FOXQ1: variants seen among roughly 807,000 people sequenced by gnomAD.
FOXQ1 encodes forkhead box Q1.
Under a neutral mutation model 0.6 loss-of-function variants are expected in FOXQ1, and 1 was observed. The ratio of observed to expected loss-of-function variants is 1.73; its 90% CI spans 0.61 to 8.20. The LOEUF is 8.20. FOXQ1 is among the 30% of genes most tolerant of loss of function. The pLI is 0.13. For synonymous variants in FOXQ1, 377 were observed against 294.4 expected, an observed-to-expected ratio of 1.28 and a Z score of -2.87; for missense variants, 734 against 595.6, an observed-to-expected ratio of 1.23 and a Z score of -2.42.
Position 1,312,681 on chromosome 6 carries a change from C to A in FOXQ1, c.-24C>A. 7.6e-7 allele frequency: 1 copy of A among 1,307,934 alleles called. No homozygotes were observed. The highest frequency in any genetic ancestry group is 2.0e-4 in the Middle Eastern group (1 of 4,972). 81.0% of individuals were successfully genotyped at this position (1,307,934 alleles called of 1,614,324 possible). A position where few individuals can be genotyped will look rare whatever the true frequency, so the allele number is the denominator to read the frequency against. Reference sequence around the variant, plus strand: ...TGCGCGAAGGAAGAGGGTACGACGCCGGGGAGGGACTGGGTGCGCGGGCAT... The same window carrying A: ...TGCGCGAAGGAAGAGGGTACGACGCAGGGGAGGGACTGGGTGCGCGGGCAT... On this transcript the variant is annotated 5_prime_UTR_variant, in exon 1 of 1. Coordinates refer to ENST00000296839, the MANE Select transcript of FOXQ1 (RefSeq NM_033260.4).
chr6:1,314,329 T>C lies in FOXQ1; in HGVS notation c.*413T>C, dbSNP rs1757607909. On this transcript the variant is annotated 3_prime_UTR_variant, in exon 1 of 1. Coordinates refer to ENST00000296839, the MANE Select transcript of FOXQ1 (RefSeq NM_033260.4). ...TAAATGATATGACTACTGTTTGGGG[T>C]TTCTGGGCCCCCATCCGTGTACGTA... is the stretch of plus-strand genomic sequence containing the variant. 1 of 167,490 alleles carries C rather than the reference T, an allele frequency of 6.0e-6. No individual in the cohort carries two copies. Among genetic ancestry groups the C allele is most frequent in the African/African-American group, 2.4e-5 (1 of 41,582 alleles). 10.4% of individuals were successfully genotyped at this position (167,490 alleles called of 1,614,324 possible). A position where few individuals can be genotyped will look rare whatever the true frequency, so the allele number is the denominator to read the frequency against.
In FOXQ1 at chr6:1,312,941, G is replaced by A. The variant is rs1406267278; in HGVS notation, c.237G>A (p.Pro79=). Residue 79 remains proline (P), a synonymous_variant, in exon 1 of 1, where the codon CCG becomes CCA. Transcript: ENST00000296839. Reference sequence around the variant, plus strand: ...GGCCGGGCGCGGAGGAGGCGATCCCGGCAGCAGCTGCTGCAGCGGTGGTGG... The same window carrying A: ...GGCCGGGCGCGGAGGAGGCGATCCCAGCAGCAGCTGCTGCAGCGGTGGTGG... ...GGGPGAEEAI[P]AAAAAAVVAE... The A allele has an allele frequency of 1.0e-5, 13 of 1,278,166 alleles. No homozygotes were observed. Among genetic ancestry groups the A allele is most frequent in the Non-Finnish European group, 1.3e-5 (13 of 1,015,708 alleles). The allele number at this position is 1,278,166 out of a possible 1,614,324, so 79.2% of individuals were successfully genotyped here.
At position 1,313,613 on chromosome 6, in the gene FOXQ1, G is replaced by A. The variant is rs1757589393; in HGVS notation, c.909G>A (p.Pro303=). 11 of 1,112,382 alleles carry A rather than the reference G, an allele frequency of 9.9e-6. No homozygotes were observed. Among genetic ancestry groups the A allele is most frequent in the Non-Finnish European group, 1.1e-5 (10 of 908,152 alleles). 68.9% of individuals were successfully genotyped at this position (1,112,382 alleles called of 1,614,324 possible). Residue 303 remains proline (P), a synonymous_variant, in exon 1 of 1, where the codon CCG becomes CCA. Transcript: ENST00000296839. This position sits in a 1 kb window ranked among gnomAD's most constrained non-coding sequence, Gnocchi z 5.2. ...TTLQWGAAPC[P]PLPAFPALLP... ...TTCAGTGGGGCGCCGCGCCCTGCCC[G>A]CCGCTGCCCGCGTTCCCCGCGCTCC...
At position 1,312,138 on chromosome 6, in the gene FOXQ1, G is replaced by A. The variant is rs900560515; in HGVS notation, c.-567G>A. ...CAGGCCAGCGGGGAGATGCTGCCCCGGAGGCTGGGAGCGGGAAGGCGGCTG... is the reference window on the plus strand; with the variant it reads ...CAGGCCAGCGGGGAGATGCTGCCCCAGAGGCTGGGAGCGGGAAGGCGGCTG... On this transcript the variant is annotated 5_prime_UTR_variant, in exon 1 of 1. Coordinates refer to ENST00000296839, the MANE Select transcript of FOXQ1 (RefSeq NM_033260.4). Among the ~76,000 whole-genome samples, 1 of 152,214 alleles carries A rather than the reference G, an allele frequency of 6.6e-6. No homozygotes were observed. The highest frequency in any genetic ancestry group is 1.5e-5 in the Non-Finnish European group (1 of 68,030).
At position 1,312,717 on chromosome 6, in the gene FOXQ1, G is replaced by T; in HGVS notation, c.13G>T (p.Val5Leu). MKLE[V>L]FVPRAAHGDK... is the part of the protein sequence containing the mutation. ...TGGGTGCGCGGGCATGAAGTTGGAG[G>T]TGTTCGTCCCTCGCGCGGCCCACGG... Residue 5 changes from valine to leucine, a missense_variant, in exon 1 of 1, where the codon GTG (valine) becomes TTG (leucine). Coordinates refer to ENST00000296839, the MANE Select transcript of FOXQ1 (RefSeq NM_033260.4). 1 of 1,359,242 alleles carries T rather than the reference G, an allele frequency of 7.4e-7. No individual in the cohort carries two copies. Among genetic ancestry groups the T allele is most frequent in the Admixed American group, 3.5e-5 (1 of 28,298 alleles). 84.2% of individuals were successfully genotyped at this position (1,359,242 alleles called of 1,614,324 possible).
chr6:1,313,461 T>TCGCC lies in FOXQ1; in HGVS notation c.766_769dup (p.Gln257ProfsTer193). On this transcript the variant is annotated frameshift_variant, in exon 1 of 1. Coordinates refer to ENST00000296839, the MANE Select transcript of FOXQ1 (RefSeq NM_033260.4). LOFTEE classifies it low-confidence loss of function (END_TRUNC). The surrounding 1 kb of genome is among the most constrained non-coding windows in gnomAD (Gnocchi z 5.2). ...CGCCCCGGCCTCGCCCCGCATGCGC[T>TCGCC]CGCCCGCCCGCCAGGAGGAGCGCGC... The TCGCC allele has an allele frequency of 1.9e-6, 2 of 1,063,070 alleles. No homozygotes were observed. Among genetic ancestry groups the TCGCC allele is most frequent in the Non-Finnish European group, 2.3e-6 (2 of 881,134 alleles). The allele number at this position is 1,063,070 out of a possible 1,614,324, so 65.9% of individuals were successfully genotyped here.
rs1186510314 is a variant in FOXQ1 at position 1,313,361 on chromosome 6, C to T, written c.657C>T (p.Arg219=). 2 of 1,527,806 alleles carry T rather than the reference C, an allele frequency of 1.3e-6. No homozygotes were observed. The highest frequency in any genetic ancestry group is 1.8e-4 in the Middle Eastern group (1 of 5,642). The allele number at this position is 1,527,806 out of a possible 1,614,324, so 94.6% of individuals were successfully genotyped here. ...FRRRRKRLSH[R]APVPAPGLRP... ...GCCGCCGCAAGCGCCTCAGCCACCG[C>T]GCGCCGGTCCCCGCGCCCGGGCTGC... is the stretch of plus-strand genomic sequence containing the variant. Residue 219 remains arginine (R), a synonymous_variant, in exon 1 of 1, where the codon CGC becomes CGT. Transcript: ENST00000296839. The surrounding 1 kb of genome is among the most constrained non-coding windows in gnomAD (Gnocchi z 5.2).
In FOXQ1 at chr6:1,313,904, G is replaced by C; in HGVS notation, c.1200G>C (p.Thr400=). Residue 400 remains threonine, a synonymous_variant, in exon 1 of 1, where the codon ACG becomes ACC. Coordinates refer to ENST00000296839, the MANE Select transcript of FOXQ1 (RefSeq NM_033260.4). This position sits in a 1 kb window ranked among gnomAD's most constrained non-coding sequence, Gnocchi z 5.2. ...PGPHLPYPVE[T]LLA ...CGCACCTGCCGTACCCGGTGGAGAC[G>C]CTCCTAGCCTGAGTAGCGCCGCGGG... 7.9e-7 allele frequency: 1 copy of C among 1,269,010 alleles called. No individual in the cohort carries two copies. Among genetic ancestry groups the C allele is most frequent in the Non-Finnish European group, 9.9e-7 (1 of 1,012,618 alleles). The allele number at this position is 1,269,010 out of a possible 1,614,324, so 78.6% of individuals were successfully genotyped here. A position where few individuals can be genotyped will look rare whatever the true frequency, so the allele number is the denominator to read the frequency against.
Position 1,313,667 on chromosome 6 carries a change from G to A in FOXQ1, c.963G>A (p.Leu321=). 1.9e-6 allele frequency: 2 copies of A among 1,035,516 alleles called. No individual in the cohort carries two copies. Among genetic ancestry groups the A allele is most frequent in the South Asian group, 4.4e-5 (1 of 22,934 alleles). The allele number at this position is 1,035,516 out of a possible 1,614,324, so 64.1% of individuals were successfully genotyped here. A position where few individuals can be genotyped will look rare whatever the true frequency, so the allele number is the denominator to read the frequency against. Residue 321 remains leucine, a synonymous_variant, in exon 1 of 1, where the codon CTG becomes CTA. Coordinates refer to ENST00000296839, the MANE Select transcript of FOXQ1 (RefSeq NM_033260.4). The surrounding 1 kb of genome is among the most constrained non-coding windows in gnomAD (Gnocchi z 5.2). ...CCGCGGCGCCCTGCAGGGCCCTGCT[G>A]CCGCTCTGCGCGTACGGCGCGGGCG... is the stretch of plus-strand genomic sequence containing the variant. ...LLPAAPCRAL[L]PLCAYGAGEP...
At position 1,312,112 on chromosome 6, in the gene FOXQ1, G is replaced by T. The variant is rs573371650; in HGVS notation, c.-593G>T. 1.1e-4 allele frequency among the ~76,000 whole-genome samples: 16 copies of T among 152,220 alleles called. 1 individual carries two copies. Among genetic ancestry groups the T allele is most frequent in the Non-Finnish European group, 2.2e-4 (15 of 68,032 alleles). Reference sequence around the variant, plus strand: ...AAGGTGGAGGCGAGACGCAGCCGCGGCAGGCCAGCGGGGAGATGCTGCCCC... The same window carrying T: ...AAGGTGGAGGCGAGACGCAGCCGCGTCAGGCCAGCGGGGAGATGCTGCCCC... On this transcript the variant is annotated 5_prime_UTR_variant, in exon 1 of 1. Transcript: ENST00000296839.
rs4435985 is a variant in FOXQ1 at position 1,313,235 on chromosome 6, C to T, written c.531C>T (p.Phe177=). The T allele has an allele frequency of 0.2, 329,401 of 1,609,356 alleles. 34,644 individuals are homozygous for T. The highest frequency in any genetic ancestry group is 0.3 in the East Asian group (13,136 of 44,420). The change falls in exon 1 of 1, where the codon TTC becomes TTT. Residue 177 remains phenylalanine (F), a synonymous_variant. Coordinates refer to ENST00000296839, the MANE Select transcript of FOXQ1 (RefSeq NM_033260.4). This position sits in a 1 kb window ranked among gnomAD's most constrained non-coding sequence, Gnocchi z 5.2. The stretch of plus-strand genomic sequence containing the variant: ...ACAACCTTTCGCTCAACGACTGCTT[C>T]GTCAAGGTGCTGCGCGACCCCTCGC... ...VRHNLSLNDC[F]VKVLRDPSRP...
Position 1,313,733 on chromosome 6 carries a change from G to T in FOXQ1, c.1029G>T (p.Pro343=). ...GCGCGCGCGAGGCCGAGGTGCCACCGACCGCGCCGCCCCTCCTGCTTGCAC... is the reference window on the plus strand; with the variant it reads ...GCGCGCGCGAGGCCGAGGTGCCACCTACCGCGCCGCCCCTCCTGCTTGCAC... ...RLGAREAEVP[P]TAPPLLLAPL... is the part of the protein sequence containing the mutation. The change falls in exon 1 of 1, where the codon CCG becomes CCT. Residue 343 remains proline, a synonymous_variant. Coordinates refer to ENST00000296839, the MANE Select transcript of FOXQ1 (RefSeq NM_033260.4). The surrounding 1 kb of genome is among the most constrained non-coding windows in gnomAD (Gnocchi z 5.2). 3 of 1,160,298 alleles carry T rather than the reference G, an allele frequency of 2.6e-6. No individual in the cohort carries two copies. In the South Asian group the frequency reaches 1.3e-4, roughly 49 times the overall value. The allele number at this position is 1,160,298 out of a possible 1,614,324, so 71.9% of individuals were successfully genotyped here.
chr6:1,313,784 G>A lies in FOXQ1; in HGVS notation c.1080G>A (p.Lys360=). ...CTCTCCCGGCGGCGGCCCCCGCCAA[G>A]CCACTCCGAGGCCCGGCGGCCGGCG... ...LAPLPAAAPA[K]PLRGPAAGGA... Residue 360 remains lysine, a synonymous_variant, in exon 1 of 1, where the codon AAG becomes AAA. Coordinates refer to ENST00000296839, the MANE Select transcript of FOXQ1 (RefSeq NM_033260.4). The surrounding 1 kb of genome is among the most constrained non-coding windows in gnomAD (Gnocchi z 5.2). 7.9e-7 allele frequency: 1 copy of A among 1,261,494 alleles called. No homozygotes were observed. Among genetic ancestry groups the A allele is most frequent in the Non-Finnish European group, 9.9e-7 (1 of 1,005,514 alleles). 78.1% of individuals were successfully genotyped at this position (1,261,494 alleles called of 1,614,324 possible). A position where few individuals can be genotyped will look rare whatever the true frequency, so the allele number is the denominator to read the frequency against.
chr6:1,313,616 G>A lies in FOXQ1; in HGVS notation c.912G>A (p.Pro304=). 9.0e-7 allele frequency: 1 copy of A among 1,111,106 alleles called. No individual in the cohort carries two copies. The allele number at this position is 1,111,106 out of a possible 1,614,324, so 68.8% of individuals were successfully genotyped here. ...TLQWGAAPCP[P]LPAFPALLPA... ...AGTGGGGCGCCGCGCCCTGCCCGCC[G>A]CTGCCCGCGTTCCCCGCGCTCCTCC... Residue 304 remains proline, a synonymous_variant, in exon 1 of 1, where the codon CCG becomes CCA. Transcript: ENST00000296839. This position sits in a 1 kb window ranked among gnomAD's most constrained non-coding sequence, Gnocchi z 5.2.
Position 1,312,789 on chromosome 6 carries a change from C to G in FOXQ1, c.85C>G (p.Pro29Ala). ...DLEGAGGSDA[P>A]SPLSAAGDDS... ...GGAGGGCGCGGGCGGCAGCGACGCG[C>G]CGTCCCCGCTGTCGGCGGCGGGAGA... Residue 29 changes from proline (P) to alanine (A), a missense_variant, in exon 1 of 1, where the codon CCG becomes GCG. By Grantham distance (27) the Pro-to-Ala change is conservative (BLOSUM62 -1). Coordinates refer to ENST00000296839, the MANE Select transcript of FOXQ1 (RefSeq NM_033260.4). The G allele has an allele frequency of 2.3e-6, 3 of 1,305,506 alleles. No homozygotes were observed. The highest frequency in any genetic ancestry group is 2.9e-6 in the Non-Finnish European group (3 of 1,028,960). The allele number at this position is 1,305,506 out of a possible 1,614,324, so 80.9% of individuals were successfully genotyped here.
chr6:1,314,038 C>T lies in FOXQ1; in HGVS notation c.*122C>T, dbSNP rs1757602117. On this transcript the variant is annotated 3_prime_UTR_variant, in exon 1 of 1. Coordinates refer to ENST00000296839, the MANE Select transcript of FOXQ1 (RefSeq NM_033260.4). Reference sequence around the variant, plus strand: ...ATGAATTTTTAAAATCTCCATCAAACGTGCCTTAAAGCTAAAGCATTTTGA... The same window carrying T: ...ATGAATTTTTAAAATCTCCATCAAATGTGCCTTAAAGCTAAAGCATTTTGA... The T allele has an allele frequency of 8.5e-7, 1 of 1,179,610 alleles. No individual in the cohort carries two copies. Among genetic ancestry groups the T allele is most frequent in the African/African-American group, 1.6e-5 (1 of 62,528 alleles). The allele number at this position is 1,179,610 out of a possible 1,614,324, so 73.1% of individuals were successfully genotyped here.
chr6:1,314,125 C>A lies in FOXQ1; in HGVS notation c.*209C>A. 1.5e-6 allele frequency: 1 copy of A among 681,238 alleles called. No individual in the cohort carries two copies. The highest frequency in any genetic ancestry group is 2.1e-6 in the Non-Finnish European group (1 of 485,980). The allele number at this position is 681,238 out of a possible 1,614,324, so 42.2% of individuals were successfully genotyped here. A position where few individuals can be genotyped will look rare whatever the true frequency, so the allele number is the denominator to read the frequency against. On this transcript the variant is annotated 3_prime_UTR_variant, in exon 1 of 1. Coordinates refer to ENST00000296839, the MANE Select transcript of FOXQ1 (RefSeq NM_033260.4). ...TGTGTTTTATAACTTTACAGAGGAC[C>A]AAAGCAATTCTTGTTTTAGTTTCTT...
chr6:1,313,110 G>A lies in FOXQ1; in HGVS notation c.406G>A (p.Ala136Thr). 1.2e-6 allele frequency: 2 copies of A among 1,606,284 alleles called. No individual in the cohort carries two copies. Among genetic ancestry groups the A allele is most frequent in the Non-Finnish European group, 1.7e-6 (2 of 1,176,654 alleles). Reference sequence around the variant, plus strand: ...CATCGCCATGGCCATCCGCGACTCGGCGGGCGGGCGCTTGACGCTGGCGGA... The same window carrying A: ...CATCGCCATGGCCATCCGCGACTCGACGGGCGGGCGCTTGACGCTGGCGGA... ...ALIAMAIRDS[A>T]GGRLTLAEIN... Residue 136 changes from alanine (A) to threonine (T), a missense_variant, in exon 1 of 1, where the codon GCG (alanine) becomes ACG (threonine). By Grantham distance (58) the Ala-to-Thr change is moderately conservative. Transcript: ENST00000296839. The surrounding 1 kb of genome is among the most constrained non-coding windows in gnomAD (Gnocchi z 5.2).
At position 1,314,337 on chromosome 6, in the gene FOXQ1, C is replaced by G. The variant is rs55646986; in HGVS notation, c.*421C>G. ...ATGACTACTGTTTGGGGTTTCTGGGCCCCCATCCGTGTACGTATGTGGCAT... is the reference window on the plus strand; with the variant it reads ...ATGACTACTGTTTGGGGTTTCTGGGGCCCCATCCGTGTACGTATGTGGCAT... On this transcript the variant is annotated 3_prime_UTR_variant, in exon 1 of 1. Coordinates refer to ENST00000296839, the MANE Select transcript of FOXQ1 (RefSeq NM_033260.4). 1,659 of 167,354 alleles carry G rather than the reference C, an allele frequency of 9.9e-3. 19 individuals carry two copies. The highest frequency in any genetic ancestry group is 0.038 in the African/African-American group (1,599 of 41,552). 10.4% of individuals were successfully genotyped at this position (167,354 alleles called of 1,614,324 possible).
Sources: gnomAD v4.1 joint callset for allele counts (sites outside exome capture counted in the v4.1 genomes callset) on GRCh38, gnomAD v4.1.1 for gene constraint, Gnocchi (gnomAD v3.1) non-coding constraint, MANE v1.5 for transcripts, NCBI Gene and HGNC (gene_info 2026-07-23, HGNC 2026-07-21) for gene names.